The following POTEE variants were observed in gnomAD, a reference collection of about 807,000 sequenced individuals.
POTEE encodes the protein ANKRD26-like family C member 1A.
A neutral mutation model predicts 74.2 loss-of-function variants in POTEE; 21 were observed. The observed-to-expected ratio is 0.28, with a 90% CI of 0.20 to 0.41. The LOEUF is 0.41. Ranked by LOEUF, POTEE falls within the 10% of genes least tolerant of loss-of-function variation. The pLI, the probability that POTEE is intolerant of heterozygous loss-of-function variation, is 1.00. For missense variants in POTEE, 525 were observed against 1,158.6 expected (o/e 0.45, Z 7.94); for synonymous variants, 211 against 432.8 (o/e 0.49, Z 6.36).
Position 131,224,146 on chromosome 2 carries a change from C to T in POTEE, c.810+103C>T, listed in dbSNP as rs1573705027. 13 of 1,456,828 alleles carry T rather than the reference C, an allele frequency of 8.9e-6. No homozygotes were observed. The East Asian group carries it at 1.4e-4, about 16-fold the overall frequency. The allele number at this position is 1,456,828 out of a possible 1,614,324, so 90.2% of individuals were successfully genotyped here. A position where few individuals can be genotyped will look rare whatever the true frequency, so the allele number is the denominator to read the frequency against. On this transcript the variant is annotated intron_variant, in intron 6 of 17. Coordinates refer to ENST00000683005, the MANE Select transcript of POTEE (RefSeq NM_001083538.3). The stretch of plus-strand genomic sequence containing the variant: ...CCATATTTGGAAGCTCAAGCATAAC[C>T]TGAATGAAAATATTTTGAAATGACC...
chr2:131,217,541 A>C (rs1161854906), intron 2 of POTEE, among the ~76,000 whole-genome samples, 48 bp from the exon 3 acceptor site: 5 of 142,860 alleles, frequency 3.5e-5, no homozygotes, highest in Non-Finnish European at 7.6e-5. Context: ...CAAGTTCCAG[A>C]CGCTTAGCCC....
intron 8 of POTEE, among the ~76,000 whole-genome samples, chr2:131,228,711 G>GAAC (rs977021281): frequency 1.4e-5 from 2 of 147,268 alleles, no homozygotes; most frequent in Admixed American, 1.3e-4. Flanking sequence ...TTTGGGTCTT[G>GAAC]AAATGTCTAG....
At chr2:131,222,766 C>G (rs1700662679) in intron 4 of POTEE, among the ~76,000 whole-genome samples, 1 of 151,972 alleles carries the variant, frequency 6.6e-6, no homozygotes, top group Non-Finnish European at 1.5e-5. Flanking sequence ...TATTGAAAAC[C>G]AAAGTAAGAA....
chr2:131,214,145 T>C (rs1297056464), intron 2 of POTEE, among the ~76,000 whole-genome samples: 1 of 152,190 alleles, frequency 6.6e-6, no homozygotes, highest in Non-Finnish European at 1.5e-5. Context: ...AAACCCCATT[T>C]TAGGAGAAAC....
rs369908134 is a variant in POTEE, at chr2:131,263,867, G to C, written c.2412G>C (p.Leu804=). ...TGGCTCCCGAGGAGCACCCCATCCT[G>C]CTGACCGAGGCCCCCCTGAACCCCA... ...LRVAPEEHPI[L]LTEAPLNPKA... The change falls in exon 18 of 18, where the codon CTG becomes CTC. Residue 804 remains leucine (L), a synonymous_variant. Coordinates refer to ENST00000683005, the MANE Select transcript of POTEE (RefSeq NM_001083538.3). 18 of 1,614,034 alleles carry C rather than the reference G, an allele frequency of 1.1e-5. No homozygotes were observed. Among genetic ancestry groups the C allele is most frequent in the Middle Eastern group, 1.6e-4 (1 of 6,082 alleles).
At chr2:131,236,049 C>CGGCTT (rs1048095630) in intron 9 of POTEE, among the ~76,000 whole-genome samples, 3 of 151,936 alleles carry the variant, frequency 2.0e-5, no homozygotes, top group African/African-American at 7.3e-5. Flanking sequence ...AACAAAGACA[C>CGGCTT]GGCTTGGCTT....
At position 131,226,873 on chromosome 2, in the gene POTEE, C is replaced by G. The variant is rs745952555; in HGVS notation, c.861C>G (p.Val287=). The G allele has an allele frequency of 8.7e-4, 1,403 of 1,610,210 alleles. 12 individuals are homozygous for G. In the South Asian group the frequency reaches 0.014, roughly 16 times the overall value. ...LLGVHEQKQQ[V]VKFLIKKKAN... is the part of the protein sequence containing the mutation. ...GTGTACATGAGCAAAAACAGCAAGT[C>G]GTGAAATTTTTAATCAAGAAAAAAG... is the stretch of plus-strand genomic sequence containing the variant. The change falls in exon 7 of 18, where the codon GTC becomes GTG. Residue 287 remains valine (V), a synonymous_variant. Coordinates refer to ENST00000683005, the MANE Select transcript of POTEE (RefSeq NM_001083538.3).
At chr2:131,229,732 A>G (rs927959844) in intron 8 of POTEE, 6 of 152,190 alleles carry the variant, frequency 3.9e-5, no homozygotes, top group African/African-American at 1.2e-4. Context: ...CTGGAAGGTC[A>G]TTTGACTATT....
At chr2:131,213,830 GT>G (rs1700402293) in intron 2 of POTEE, among the ~76,000 whole-genome samples, 1 of 151,250 alleles carries the variant, frequency 6.6e-6, no homozygotes, top group African/African-American at 2.4e-5. Flanking sequence ...TGAAACCCAG[GT>G]TCTAAGTTCC....
intron 2 of POTEE, among the ~76,000 whole-genome samples, chr2:131,211,542 CTTTTTTTTTTTTTTTT>C (rs1163533169): frequency 1.5e-3 from 17 of 11,354 alleles, no homozygotes; most frequent in African/African-American, 4.6e-3. Context: ...GTGTGTGTGG[CTTTTTTTTTTTTTTTT>C]TTTTTTTTTT....
At chr2:131,221,290 T>G (rs111288939) in intron 4 of POTEE, among the ~76,000 whole-genome samples, 1 of 152,126 alleles carries the variant, frequency 6.6e-6, no homozygotes, top group Admixed American at 6.5e-5. Flanking sequence ...ACTATTGAGG[T>G]TGTCAGTAGA....
intron 6 of POTEE, among the ~76,000 whole-genome samples, chr2:131,224,965 G>C (rs555928446): frequency 6.6e-6 from 1 of 152,220 alleles, no homozygotes; most frequent in East Asian, 1.9e-4. Flanking sequence ...ATTTTGAGTT[G>C]ACTAGACCCT....
chr2:131,260,174 T>C (rs1378417027), intron 16 of POTEE, among the ~76,000 whole-genome samples: 2 of 148,820 alleles, frequency 1.3e-5, no homozygotes, highest in African/African-American at 2.6e-5. Context: ...CATTGATCTA[T>C]GTATCTGTTT....
At chr2:131,230,509 C>T (rs1573713972) in intron 8 of POTEE, among the ~76,000 whole-genome samples, 7 of 152,260 alleles carry the variant, frequency 4.6e-5, no homozygotes, top group South Asian at 4.1e-4. Flanking sequence ...CTAAGAGAAG[C>T]AAGTTGTCCA....
intron 8 of POTEE, among the ~76,000 whole-genome samples, chr2:131,230,554 TA>T (rs1006156874): frequency 6.6e-6 from 1 of 152,170 alleles, no homozygotes; most frequent in African/African-American, 2.4e-5. Flanking sequence ...AGCTAGGACT[TA>T]TTTAGAGTTG....
At position 131,245,869 on chromosome 2, in the gene POTEE, A is replaced by G. The variant is rs1701342794; in HGVS notation, c.1480+392A>G. ...CTATGAGTATCTAATGCTATCACTG[A>G]TCTGACTGGAGACAGAGTAGAGGCT... On this transcript the variant is annotated intron_variant, in intron 13 of 17. Transcript: ENST00000683005. 4.5e-5 allele frequency among the ~76,000 whole-genome samples: 2 copies of G among 43,976 alleles called. 1 individual carries two copies. Among genetic ancestry groups the G allele is most frequent in the South Asian group, 1.1e-3 (2 of 1,790 alleles). The allele number at this position is 43,976 out of a possible 152,430, so 28.8% of individuals were successfully genotyped here. A position where few individuals can be genotyped will look rare whatever the true frequency, so the allele number is the denominator to read the frequency against.
intron 2 of POTEE, among the ~76,000 whole-genome samples, chr2:131,216,939 G>A (rs1481833102): frequency 1.3e-5 from 2 of 152,180 alleles, no homozygotes; most frequent in Non-Finnish European, 2.9e-5. Context: ...GGGGAAAATA[G>A]GGAAAGATTG....
rs1016931608 is a variant in POTEE, at chr2:131,211,268, T to C, written c.-189+85T>C. On this transcript the variant is annotated intron_variant, in intron 2 of 17. Coordinates refer to ENST00000683005, the MANE Select transcript of POTEE (RefSeq NM_001083538.3). The stretch of plus-strand genomic sequence containing the variant: ...GACGGCGACAGCAACTGTATTGGCA[T>C]TGGTGCTAGTGGTGGTAGTGGCAGA... Among the ~76,000 whole-genome samples, 4 of 151,680 alleles carry C rather than the reference T, an allele frequency of 2.6e-5. 1 individual carries two copies. Among genetic ancestry groups the C allele is most frequent in the Admixed American group, 2.0e-4 (3 of 15,270 alleles).
At chr2:131,235,608 A>G (rs1701104016) in intron 9 of POTEE, among the ~76,000 whole-genome samples, 1 of 152,066 alleles carries the variant, frequency 6.6e-6, no homozygotes, top group South Asian at 2.1e-4. Context: ...ATCATGGCCA[A>G]TGGTGAAACC....
Sources: gnomAD v4.1 joint callset for allele counts (sites outside exome capture counted in the v4.1 genomes callset) on GRCh38, gnomAD v4.1.1 for gene constraint, MANE v1.5 for transcripts, NCBI Gene and HGNC (gene_info 2026-07-23, HGNC 2026-07-21) for gene names.